The following PLEKHA5 variants were observed in gnomAD, a reference collection of about 807,000 sequenced individuals.
The protein encoded by PLEKHA5 is pleckstrin homology domain containing A5, also known as pleckstrin homology domain-containing family A member 5.
Under a neutral mutation model 181.9 loss-of-function variants are expected in PLEKHA5, and 55 were observed. That is an observed-to-expected ratio of 0.30 (90% confidence interval 0.24 to 0.38). PLEKHA5 has a LOEUF of 0.38. Among genes scored for constraint, PLEKHA5 ranks in the 10% least tolerant of loss-of-function variants. PLEKHA5 has a pLI of 1.00. For missense variants in PLEKHA5, 1,432 were observed against 1,549.5 expected (o/e 0.92, Z 1.27); for synonymous variants, 535 against 529.4 (o/e 1.01, Z -0.15).
intron 3 of PLEKHA5, among the ~76,000 whole-genome samples, chr12:19,161,450 T>G (rs556415290): frequency 1.3e-5 from 2 of 152,302 alleles, no homozygotes; most frequent in Non-Finnish European, 2.9e-5. Flanking sequence ...TGTTAAAAAC[T>G]AACAGACTTA....
intron 20 of PLEKHA5, among the ~76,000 whole-genome samples, chr12:19,335,722 C>T (rs2093373914): frequency 6.6e-6 from 1 of 151,740 alleles, no homozygotes; most frequent in Non-Finnish European, 1.5e-5. Flanking sequence ...ACCTCTGCTT[C>T]CTAGGTTCAA....
At chr12:19,253,581 C>T (rs1259896169) in intron 3 of PLEKHA5, among the ~76,000 whole-genome samples, 2 of 151,866 alleles carry the variant, frequency 1.3e-5, no homozygotes, top group African/African-American at 4.8e-5. Context: ...CTTTGTGAGG[C>T]CGAGGCGGGT....
At chr12:19,156,281 ATAAT>A (rs994057227) in intron 3 of PLEKHA5, among the ~76,000 whole-genome samples, 1 of 151,944 alleles carries the variant, frequency 6.6e-6, no homozygotes, top group African/African-American at 2.4e-5. Context: ...ACAAGAGGAA[ATAAT>A]TAAAGAGTTT....
At chr12:19,278,826 C>A (rs921408167) in intron 11 of PLEKHA5, among the ~76,000 whole-genome samples, 1 of 152,132 alleles carries the variant, frequency 6.6e-6, no homozygotes, top group Non-Finnish European at 1.5e-5. Context: ...CCGAAGGCAT[C>A]GAATCGGATG....
Position 19,283,132 on chromosome 12 carries a change from G to GC in PLEKHA5, c.1314-147dup, listed in dbSNP as rs1035530493. The GC allele has an allele frequency of 2.2e-4, 101 of 463,960 alleles. 1 individual carries two copies. The highest frequency in any genetic ancestry group is 4.7e-5 in the Admixed American group (1 of 21,504). 28.7% of individuals were successfully genotyped at this position (463,960 alleles called of 1,614,324 possible). A position where few individuals can be genotyped will look rare whatever the true frequency, so the allele number is the denominator to read the frequency against. ...ATTGCACTCCAGCTTGGGCAACAGA[G>GC]CGAGACTCTTGTCTCCCAAAAAAAA... On this transcript the variant is annotated intron_variant, in intron 11 of 31. Coordinates refer to ENST00000429027, the MANE Select transcript of PLEKHA5 (RefSeq NM_001256470.2).
chr12:19,151,720 T>C (rs2040429025), intron 3 of PLEKHA5: 1 of 152,084 alleles, frequency 6.6e-6, no homozygotes, highest in African/African-American at 2.4e-5. Context: ...TAATGATATA[T>C]GCAAATACTA....
rs565792036 is a variant in PLEKHA5, at chr12:19,308,100, GA to G, written c.2038-6707del. Among the ~76,000 whole-genome samples, 9 of 151,786 alleles carry G rather than the reference GA, an allele frequency of 5.9e-5. No individual in the cohort carries two copies. In the East Asian group the frequency reaches 1.7e-3, roughly 29 times the overall value. On this transcript the variant is annotated intron_variant, in intron 15 of 31. Transcript: ENST00000429027. Reference sequence around the variant, plus strand: ...ACAAGGGTATGACAGTGAGAGAGAGGAAAAAAAGAGAAGAAAGCAATAGAAG... The same window carrying G: ...ACAAGGGTATGACAGTGAGAGAGAGGAAAAAAGAGAAGAAAGCAATAGAAG...
At chr12:19,174,349 A>C (rs1295292769) in intron 3 of PLEKHA5, among the ~76,000 whole-genome samples, 1 of 152,280 alleles carries the variant, frequency 6.6e-6, no homozygotes, top group African/African-American at 2.4e-5. Context: ...TATTCGCTCT[A>C]TGTGTATATT....
intron 11 of PLEKHA5, among the ~76,000 whole-genome samples, chr12:19,278,871 A>G (rs1222067113): frequency 6.6e-6 from 1 of 152,234 alleles, no homozygotes; most frequent in African/African-American, 2.4e-5. Flanking sequence ...GTCTGGAGAC[A>G]TTTCGTTCAA....
intron 20 of PLEKHA5, among the ~76,000 whole-genome samples, chr12:19,329,080 T>A (rs1263408588): frequency 6.6e-6 from 1 of 152,226 alleles, no homozygotes; most frequent in Non-Finnish European, 1.5e-5. Flanking sequence ...GCCTTTTCCA[T>A]GTCTACTGAG....
At chr12:19,256,314 T>C (rs1181795166) in intron 5 of PLEKHA5, among the ~76,000 whole-genome samples, 1 of 152,164 alleles carries the variant, frequency 6.6e-6, no homozygotes, top group Admixed American at 6.5e-5. Context: ...TCGGTTTATA[T>C]AGTGAGCTCC....
At chr12:19,207,150 G>A (rs2152120599) in intron 3 of PLEKHA5, 1 of 152,180 alleles carries the variant, frequency 6.6e-6, no homozygotes, top group South Asian at 2.1e-4. Flanking sequence ...ATGTAATGGT[G>A]ACAGATGTGG....
intron 6 of PLEKHA5, among the ~76,000 whole-genome samples, chr12:19,257,774 TTAAAA>T (rs762610152): frequency 6.6e-5 from 10 of 152,056 alleles, no homozygotes; most frequent in Non-Finnish European, 1.2e-4. Flanking sequence ...ATTTCTAGAC[TTAAAA>T]TTAAATATAT....
intron 26 of PLEKHA5, among the ~76,000 whole-genome samples, chr12:19,356,662 C>CT (rs57809332): frequency 0.64 from 64,168 of 100,210 alleles, 22,529 homozygotes; most frequent in Non-Finnish European, 0.79. Flanking sequence ...AGTTGTTTTT[C>CT]TTTTTTTTTT....
chr12:19,238,727 G>A (rs2061853375), intron 3 of PLEKHA5, among the ~76,000 whole-genome samples: 1 of 145,170 alleles, frequency 6.9e-6, no homozygotes, highest in Non-Finnish European at 1.5e-5. Context: ...TAGGTCATGG[G>A]TTGCTACTAA....
At chr12:19,239,098 A>T (rs902161833) in intron 3 of PLEKHA5, among the ~76,000 whole-genome samples, 1 of 152,228 alleles carries the variant, frequency 6.6e-6, no homozygotes, top group Admixed American at 6.5e-5. Flanking sequence ...TAGACAGTAC[A>T]AAACGTTGTA....
chr12:19,196,801 CTTTTTTTTTTCTTT>C (rs1565453754), intron 3 of PLEKHA5, among the ~76,000 whole-genome samples: 10 of 109,068 alleles, frequency 9.2e-5, no homozygotes, highest in African/African-American at 1.0e-4. Context: ...CTTGTTTTTT[CTTTTTTTTTTCTTT>C]TTTTTTTTTT....
intron 29 of PLEKHA5, among the ~76,000 whole-genome samples, chr12:19,365,497 G>A (rs1388458676): frequency 3.3e-5 from 5 of 152,110 alleles, no homozygotes; most frequent in Non-Finnish European, 5.9e-5. Flanking sequence ...AAGAATAAAA[G>A]GGATCTGGGG....
chr12:19,219,594 T>C (rs1273985832), intron 3 of PLEKHA5, among the ~76,000 whole-genome samples: 2 of 152,040 alleles, frequency 1.3e-5, no homozygotes, highest in African/African-American at 2.4e-5. Context: ...TGAATACTTA[T>C]AGGTTACCTG....
Sources: gnomAD v4.1 joint callset for allele counts (sites outside exome capture counted in the v4.1 genomes callset) on GRCh38, gnomAD v4.1.1 for gene constraint, MANE v1.5 for transcripts, NCBI Gene and HGNC (gene_info 2026-07-23, HGNC 2026-07-21) for gene names.